The following DNAAF9 variants were observed in gnomAD, a reference collection of about 807,000 sequenced individuals.
DNAAF9 encodes dynein axonemal assembly factor 9.
DNAAF9 carries 90 observed loss-of-function variants against 167.0 expected under a neutral mutation model. The observed-to-expected ratio is 0.54, with a 90% CI of 0.45 to 0.64. DNAAF9 has a LOEUF of 0.64. Among genes scored for constraint, DNAAF9 ranks in the 30% least tolerant of loss-of-function variants. The pLI, the probability that DNAAF9 is intolerant of heterozygous loss-of-function variation, is 0.00. For synonymous variants in DNAAF9, 491 were observed against 508.8 expected, an observed-to-expected ratio of 0.96 and a Z score of 0.47; for missense variants, 1,315 against 1,442.2, an observed-to-expected ratio of 0.91 and a Z score of 1.43.
At chr20:3,367,540 T>G (rs1483394303) in intron 6 of DNAAF9, among the ~76,000 whole-genome samples, 1 of 152,222 alleles carries the variant, frequency 6.6e-6, no homozygotes, top group Non-Finnish European at 1.5e-5. Flanking sequence ...TTCCTTTCAC[T>G]TGAACCTTTA....
chr20:3,343,877 G>A (rs919690433), intron 8 of DNAAF9, 146 bp from the exon 9 acceptor site: 167 of 529,176 alleles, frequency 3.2e-4, no homozygotes, highest in Non-Finnish European at 7.4e-5. Context: ...GCATGTGCGT[G>A]TGTGTGACAG....
chr20:3,386,948 A>C (rs2083749548), intron 1 of DNAAF9, among the ~76,000 whole-genome samples: 1 of 152,232 alleles, frequency 6.6e-6, no homozygotes, highest in South Asian at 2.1e-4. Flanking sequence ...AATGAAAAAC[A>C]GTGACTACCA....
chr20:3,367,740 T>A (rs1401519723), intron 6 of DNAAF9, among the ~76,000 whole-genome samples: 3 of 151,930 alleles, frequency 2.0e-5, no homozygotes, highest in Non-Finnish European at 4.4e-5. Context: ...GATGGTAACA[T>A]CAGAGATCAC....
chr20:3,343,767 C>T, intron 8 of DNAAF9, 36 bp from the exon 9 acceptor site: 2 of 1,539,622 alleles, frequency 1.3e-6, no homozygotes, highest in Non-Finnish European at 1.8e-6. Flanking sequence ...ATTAAGAACA[C>T]AATTTGGTAA....
chr20:3,364,940 CTTTTTTCTT>C (rs2083410820), intron 6 of DNAAF9, among the ~76,000 whole-genome samples: 2 of 143,034 alleles, frequency 1.4e-5, no homozygotes, highest in Admixed American at 7.1e-5. Flanking sequence ...CCTTCTTTTC[CTTTTTTCTT>C]TTTTTTTTTT....
chr20:3,318,270 A>G lies in DNAAF9; in HGVS notation c.1468+19T>C, dbSNP rs199950383. 1.6e-4 allele frequency: 180 copies of G among 1,143,746 alleles called. No individual in the cohort carries two copies. The highest frequency in any genetic ancestry group is 2.3e-4 in the Non-Finnish European group (174 of 770,196). 70.8% of individuals were successfully genotyped at this position (1,143,746 alleles called of 1,614,324 possible). A position where few individuals can be genotyped will look rare whatever the true frequency, so the allele number is the denominator to read the frequency against. On this transcript the variant is annotated intron_variant, in intron 17 of 36. Transcript: ENST00000252032. ...AAAAAAGGCTTAAGGTTTGCTTTCT[A>G]AAGATCACATATACTTACCCTTTTC...
intron 3 of DNAAF9, among the ~76,000 whole-genome samples, chr20:3,377,657 G>T (rs2083593642): frequency 6.6e-6 from 1 of 151,634 alleles, no homozygotes; most frequent in Admixed American, 6.6e-5. Flanking sequence ...ACAGGGTTTT[G>T]CCATGTTGCC....
intron 14 of DNAAF9, among the ~76,000 whole-genome samples, chr20:3,324,102 C>A: frequency 6.6e-6 from 1 of 152,180 alleles, no homozygotes; most frequent in Non-Finnish European, 1.5e-5. Flanking sequence ...TAAAGCCCTG[C>A]ACCACAGAGT....
At chr20:3,307,187 G>T in intron 20 of DNAAF9, 1 of 981,072 alleles carries the variant, frequency 1.0e-6, no homozygotes, top group Middle Eastern at 5.3e-4. Context: ...AGACTCTGAA[G>T]CCTCAAAACA....
At chr20:3,290,261 C>A (rs753319403) in intron 25 of DNAAF9, 44 bp from the exon 26 acceptor site, 1 of 1,226,546 alleles carries the variant, frequency 8.2e-7, no homozygotes, top group Non-Finnish European at 1.2e-6. Context: ...AACTGCATTG[C>A]ATTATGTAAG....
At chr20:3,379,329 T>C (rs1468984203) in intron 3 of DNAAF9, among the ~76,000 whole-genome samples, 2 of 150,518 alleles carry the variant, frequency 1.3e-5, no homozygotes, top group Non-Finnish European at 3.0e-5. Context: ...AAGCTGCTTT[T>C]AGGCTGGTGC....
chr20:3,362,375 G>A, intron 6 of DNAAF9: 1 of 520,508 alleles, frequency 1.9e-6, no homozygotes, highest in Non-Finnish European at 3.3e-6. Flanking sequence ...TGTTTACAAT[G>A]TTAAAACCAT....
Position 3,405,028 on chromosome 20 carries a change from T to G in DNAAF9, c.83+2447A>C, listed in dbSNP as rs1316430035. 2.0e-5 allele frequency among the ~76,000 whole-genome samples: 3 copies of G among 152,212 alleles called. No individual in the cohort carries two copies. The East Asian group carries it at 5.8e-4, about 29-fold the overall frequency. The stretch of plus-strand genomic sequence containing the variant: ...GACAGAAGGAAAGAGAATGGAAAAC[T>G]ACACAACAGAAATTTGTACCATGAA... On this transcript the variant is annotated intron_variant, in intron 1 of 36. Transcript: ENST00000252032.
At chr20:3,333,858 T>C (rs1367836870) in intron 10 of DNAAF9, among the ~76,000 whole-genome samples, 5 of 152,176 alleles carry the variant, frequency 3.3e-5, no homozygotes, top group African/African-American at 4.8e-5. Context: ...TGTTGGCCAG[T>C]AGAATGGGAT....
At chr20:3,331,412 C>T (rs781614438) in intron 11 of DNAAF9, among the ~76,000 whole-genome samples, 13 of 152,116 alleles carry the variant, frequency 8.5e-5, no homozygotes, top group South Asian at 4.1e-4. Context: ...CGGTTCCTGA[C>T]GTACTCTCCT....
chr20:3,287,755 T>G lies in DNAAF9; in HGVS notation c.2363A>C (p.Glu788Ala), dbSNP rs758835336. 8 of 1,614,038 alleles carry G rather than the reference T, an allele frequency of 5.0e-6. No individual in the cohort carries two copies. Among genetic ancestry groups the G allele is most frequent in the Non-Finnish European group, 1.7e-6 (2 of 1,180,028 alleles). ...CTGGAAGTGTGCAGCATGAAAACAT[T>G]CAGAGCTGTCCATGATTTGGCGATA... ...MVYRQIMDSSECFHAAHFQRY... is the reference protein window; with the variant it reads ...MVYRQIMDSSACFHAAHFQRY... Residue 788 changes from glutamate to alanine, a missense_variant, in exon 27 of 37, where the codon GAA becomes GCA. Physicochemically the swap from Glu to Ala is moderately radical, Grantham distance 107. Around this residue, in one of 2 missense-constraint regions of DNAAF9, gnomAD observed 981 missense variants for 1,012.5 expected, o/e 0.97. Coordinates refer to ENST00000252032, the MANE Select transcript of DNAAF9 (RefSeq NM_001009984.3).
chr20:3,301,328 C>T (rs2069185805), intron 21 of DNAAF9, among the ~76,000 whole-genome samples: 1 of 152,164 alleles, frequency 6.6e-6, no homozygotes, highest in African/African-American at 2.4e-5. Flanking sequence ...CCTGGGACTA[C>T]AGGTGCACAG....
At position 3,315,163 on chromosome 20, in the gene DNAAF9, G is replaced by A; in HGVS notation, c.1591-43C>T. 1 of 1,103,458 alleles carries A rather than the reference G, an allele frequency of 9.1e-7. No homozygotes were observed. 68.4% of individuals were successfully genotyped at this position (1,103,458 alleles called of 1,614,324 possible). On this transcript the variant is annotated intron_variant, in intron 19 of 36. Transcript: ENST00000252032. The surrounding 1 kb of genome is among the most constrained non-coding windows in gnomAD (Gnocchi z 4.1). ...AAAACAAAAATCCAAAAAAGAATAG[G>A]TGATTTATAGCATAAATATTCACAG...
chr20:3,333,304 A>C (rs1416152914), intron 10 of DNAAF9, among the ~76,000 whole-genome samples: 1 of 152,208 alleles, frequency 6.6e-6, no homozygotes, highest in Middle Eastern at 3.2e-3. Flanking sequence ...TCTTCTGAAA[A>C]TCCAACATCT....
Sources: gnomAD v4.1 joint callset for allele counts (sites outside exome capture counted in the v4.1 genomes callset) on GRCh38, gnomAD v4.1.1 for gene constraint, gnomAD v4.1.1 regional missense constraint, Gnocchi (gnomAD v3.1) non-coding constraint, MANE v1.5 for transcripts, NCBI Gene and HGNC (gene_info 2026-07-23, HGNC 2026-07-21) for gene names.